CNDP2: variants seen among roughly 807,000 people sequenced by gnomAD.
The protein encoded by CNDP2 is cytosolic non-specific dipeptidase.
In CNDP2, 38 loss-of-function variants were observed where a neutral mutation model predicts 55.0. The ratio of observed to expected loss-of-function variants is 0.69; its 90% CI spans 0.53 to 0.90. CNDP2 has a LOEUF of 0.90. CNDP2 is among the 40% of genes least tolerant of loss of function. The probability of loss-of-function intolerance (pLI) is 0.00; values close to 1 mark genes in which losing one functional copy is unlikely to be tolerated. For synonymous variants in CNDP2, 241 were observed against 260.2 expected (o/e 0.93, Z 0.71); for missense variants, 607 against 621.7 (o/e 0.98, Z 0.25).
intron 2 of CNDP2, 40 bp downstream of exon 2, chr18:74,500,073 T>G (rs761754814): frequency 1.3e-6 from 2 of 1,561,670 alleles, no homozygotes; most frequent in Non-Finnish European, 1.8e-6. Context: ...AAAATCTGAT[T>G]TAATCCCATG....
chr18:74,496,886 G>T (rs1978445166), intron 1 of CNDP2, among the ~76,000 whole-genome samples: 1 of 152,204 alleles, frequency 6.6e-6, no homozygotes, highest in Admixed American at 6.5e-5. Context: ...GAGACCTGGG[G>T]TGGGGAGTGT....
rs773991540 is a variant in CNDP2 at position 74,510,817 on chromosome 18, T to G, written c.461T>G (p.Ile154Ser). 4.3e-6 allele frequency: 7 copies of G among 1,612,954 alleles called. No individual in the cohort carries two copies. Among genetic ancestry groups the G allele is most frequent in the Non-Finnish European group, 5.9e-6 (7 of 1,179,440 alleles). The change falls in exon 6 of 12, where the codon ATT (isoleucine) becomes AGT (serine). Residue 154 changes from isoleucine to serine, a missense_variant. Ile to Ser is a moderately radical substitution (Grantham distance 142). Transcript: ENST00000324262. ...LEAYQKTGQEIPVNVRFCLEG... is the reference protein window; with the variant it reads ...LEAYQKTGQESPVNVRFCLEG... ...CGTGCTGTTCCCTTCTCACAGGAGA[T>G]TCCTGTCAACGTCCGATTCTGCCTC...
intron 2 of CNDP2, 22 bp from the exon 3 acceptor site, chr18:74,501,307 G>A (rs146826897): frequency 1.1e-5 from 18 of 1,607,920 alleles, no homozygotes; most frequent in East Asian, 2.2e-5. Context: ...AGAATCCCTC[G>A]TTGCTTCTTG....
intron 7 of CNDP2, among the ~76,000 whole-genome samples, chr18:74,512,972 C>T (rs940485149): frequency 6.6e-6 from 1 of 152,234 alleles, no homozygotes; most frequent in Non-Finnish European, 1.5e-5. Flanking sequence ...CGTGCTGTTC[C>T]CGGTGTCCTC....
rs1599066812 is a variant in CNDP2, at chr18:74,510,804, T to G, written c.457-9T>G. 3 of 1,611,606 alleles carry G rather than the reference T, an allele frequency of 1.9e-6. No individual in the cohort carries two copies. In the East Asian group the frequency reaches 6.7e-5, roughly 36 times the overall value. On this transcript the variant is annotated splice_polypyrimidine_tract_variant and intron_variant, in intron 5 of 11. Transcript: ENST00000324262. Reference sequence around the variant, plus strand: ...CTGAATATCCACTCGTGCTGTTCCCTTCTCACAGGAGATTCCTGTCAACGT... The same window carrying G: ...CTGAATATCCACTCGTGCTGTTCCCGTCTCACAGGAGATTCCTGTCAACGT...
In CNDP2 at chr18:74,519,992, C is replaced by G; in HGVS notation, c.1359-7C>G. 6.2e-7 allele frequency: 1 copy of G among 1,613,558 alleles called. No homozygotes were observed. Among genetic ancestry groups the G allele is most frequent in the Non-Finnish European group, 8.5e-7 (1 of 1,179,710 alleles). On this transcript the variant is annotated splice_region_variant and splice_polypyrimidine_tract_variant and intron_variant, in intron 11 of 11. Transcript: ENST00000324262. ...AGCCAACACAATGATGTGTTCCTCTCTACCAGGTATAACTACATAGAGGGA... is the reference window on the plus strand; with the variant it reads ...AGCCAACACAATGATGTGTTCCTCTGTACCAGGTATAACTACATAGAGGGA...
In CNDP2 at chr18:74,521,854, C is replaced by G. The variant is rs1010197296; in HGVS notation, c.*1786C>G. On this transcript the variant is annotated 3_prime_UTR_variant, in exon 12 of 12. Coordinates refer to ENST00000324262, the MANE Select transcript of CNDP2 (RefSeq NM_018235.3). The stretch of plus-strand genomic sequence containing the variant: ...GGGATATTTGCTTAGCTTAAAAGCA[C>G]CTCCCAAGGGGAAAACAGTAACTTC... 6.6e-6 allele frequency: 1 copy of G among 152,218 alleles called. No homozygotes were observed. Among genetic ancestry groups the G allele is most frequent in the African/African-American group, 2.4e-5 (1 of 41,436 alleles). 9.4% of individuals were successfully genotyped at this position (152,218 alleles called of 1,614,324 possible).
chr18:74,500,283 G>T (rs1454092502), intron 2 of CNDP2, among the ~76,000 whole-genome samples: 1 of 152,190 alleles, frequency 6.6e-6, no homozygotes, highest in Non-Finnish European at 1.5e-5. Flanking sequence ...ACAATTTCTT[G>T]TGATAGTTAC....
rs773827063 is a variant in CNDP2 at position 74,499,784 on chromosome 18, C to T, written c.-92-98C>T. The T allele has an allele frequency of 3.3e-5, 15 of 457,808 alleles. No homozygotes were observed. In the Admixed American group the frequency reaches 4.3e-4, roughly 13 times the overall value. The allele number at this position is 457,808 out of a possible 1,614,324, so 28.4% of individuals were successfully genotyped here. On this transcript the variant is annotated intron_variant, in intron 1 of 11. Coordinates refer to ENST00000324262, the MANE Select transcript of CNDP2 (RefSeq NM_018235.3). ...TTCCCAAAGTTTTTGTCTCTGAAGC[C>T]GCAGTCACTTCCTGGAGCGTCTCTG...
Position 74,522,993 on chromosome 18 carries a change from A to G in CNDP2, c.*2925A>G, listed in dbSNP as rs938064377. On this transcript the variant is annotated 3_prime_UTR_variant, in exon 12 of 12. Coordinates refer to ENST00000324262, the MANE Select transcript of CNDP2 (RefSeq NM_018235.3). ...ACTAGAAGGCCGATGACTCCTGGGT[A>G]AAGTGCCAATGCTCACCTCCATCTC... is the stretch of plus-strand genomic sequence containing the variant. 3.9e-5 allele frequency: 6 copies of G among 152,288 alleles called. No homozygotes were observed. Among genetic ancestry groups the G allele is most frequent in the African/African-American group, 1.4e-4 (6 of 41,450 alleles). The allele number at this position is 152,288 out of a possible 1,614,324, so 9.4% of individuals were successfully genotyped here.
At position 74,523,113 on chromosome 18, in the gene CNDP2, A is replaced by T. The variant is rs1207788766; in HGVS notation, c.*3045A>T. 2 of 152,286 alleles carry T rather than the reference A, an allele frequency of 1.3e-5. No individual in the cohort carries two copies. The highest frequency in any genetic ancestry group is 2.9e-5 in the Non-Finnish European group (2 of 68,064). 9.4% of individuals were successfully genotyped at this position (152,286 alleles called of 1,614,324 possible). A position where few individuals can be genotyped will look rare whatever the true frequency, so the allele number is the denominator to read the frequency against. ...CCCGACCCAAGCCTGGCCCATGATC[A>T]GATAAATGCCTAAGTGGGGTGGCAT... On this transcript the variant is annotated 3_prime_UTR_variant, in exon 12 of 12. Coordinates refer to ENST00000324262, the MANE Select transcript of CNDP2 (RefSeq NM_018235.3).
At chr18:74,513,951 G>C (rs1470781042) in intron 8 of CNDP2, 1 of 464,128 alleles carries the variant, frequency 2.2e-6, no homozygotes, top group Non-Finnish European at 3.8e-6. Context: ...ATGCAGAGGG[G>C]ACATGGGCTG....
intron 2 of CNDP2, chr18:74,501,023 G>A (rs1978661512): frequency 3.4e-6 from 1 of 290,218 alleles, no homozygotes; most frequent in Admixed American, 5.6e-5. Flanking sequence ...GGCAGGCCCG[G>A]GTCCGGTTTT....
At chr18:74,519,646 C>T (rs1410975179) in intron 11 of CNDP2, among the ~76,000 whole-genome samples, 2 of 152,158 alleles carry the variant, frequency 1.3e-5, no homozygotes, top group Non-Finnish European at 2.9e-5. Flanking sequence ...GAGGCAAAGA[C>T]CCTGCAGGAA....
At chr18:74,511,076 C>T (rs770183692) in intron 6 of CNDP2, 63 bp downstream of exon 6, 56 of 1,414,172 alleles carry the variant, frequency 4.0e-5, no homozygotes, top group Admixed American at 1.0e-4. Context: ...TTCTCCCAAA[C>T]GCAAAGTAGA....
intron 1 of CNDP2, chr18:74,497,505 C>G (rs1320009029): frequency 5.9e-5 from 9 of 152,228 alleles, no homozygotes; most frequent in Non-Finnish European, 1.0e-4. Context: ...TACTCCCTTG[C>G]CAGGCATGGT....
intron 3 of CNDP2, 75 bp downstream of exon 3, chr18:74,501,547 T>C: frequency 6.7e-7 from 1 of 1,503,744 alleles, no homozygotes; most frequent in Non-Finnish European, 8.9e-7. Context: ...CGCCACAAGT[T>C]CTTAAAAGAT....
rs1179407710 is a variant in CNDP2, at chr18:74,520,160, T to C, written c.*92T>C. ...TGCCCAGGGAAGTGGAGGTTCCCTC[T>C]TTCCTTTCCCTCTTGTCAGGTCATC... On this transcript the variant is annotated 3_prime_UTR_variant, in exon 12 of 12. Transcript: ENST00000324262. The C allele has an allele frequency of 8.3e-7, 1 of 1,201,752 alleles. No individual in the cohort carries two copies. Among genetic ancestry groups the C allele is most frequent in the Non-Finnish European group, 1.2e-6 (1 of 819,122 alleles). The allele number at this position is 1,201,752 out of a possible 1,614,324, so 74.4% of individuals were successfully genotyped here.
chr18:74,522,275 T>G lies in CNDP2; in HGVS notation c.*2207T>G, dbSNP rs1599076789. On this transcript the variant is annotated 3_prime_UTR_variant, in exon 12 of 12. Transcript: ENST00000324262. ...CAGCACTCAGTGCTATCTGGGCTTG[T>G]GGCTCCAACTCAACTCCTCCATCAG... The G allele has an allele frequency of 1.3e-5, 2 of 152,384 alleles. No individual in the cohort carries two copies. Among genetic ancestry groups the G allele is most frequent in the Admixed American group, 1.3e-4 (2 of 15,314 alleles). The allele number at this position is 152,384 out of a possible 1,614,324, so 9.4% of individuals were successfully genotyped here.
Sources: gnomAD v4.1 joint callset for allele counts (sites outside exome capture counted in the v4.1 genomes callset) on GRCh38, gnomAD v4.1.1 for gene constraint, MANE v1.5 for transcripts, NCBI Gene and HGNC (gene_info 2026-07-23, HGNC 2026-07-21) for gene names.